SLC25A12: variants seen among roughly 807,000 people sequenced by gnomAD.
SLC25A12 encodes solute carrier family 25 member 12, also known as electrogenic aspartate/glutamate antiporter SLC25A12, mitochondrial.
Under a neutral mutation model 83.3 loss-of-function variants are expected in SLC25A12, and 32 were observed. That is an observed-to-expected ratio of 0.38 (90% confidence interval 0.29 to 0.52). The LOEUF (loss-of-function observed/expected upper bound fraction) is 0.52. SLC25A12 is among the 20% of genes least tolerant of loss of function. SLC25A12 has a pLI of 0.84. For missense variants in SLC25A12, 611 were observed against 835.6 expected, an observed-to-expected ratio of 0.73 and a Z score of 3.31; for synonymous variants, 267 against 291.1, an observed-to-expected ratio of 0.92 and a Z score of 0.84.
At chr2:171,835,606 G>A (rs1223408109) in intron 6 of SLC25A12, among the ~76,000 whole-genome samples, 1 of 152,210 alleles carries the variant, frequency 6.6e-6, no homozygotes, top group Non-Finnish European at 1.5e-5. Flanking sequence ...AAACTCAAAA[G>A]AGAATATTTT....
At position 171,844,422 on chromosome 2, in the gene SLC25A12, C is replaced by A; in HGVS notation, c.412G>T (p.Gly138Trp). 1 of 1,613,874 alleles carries A rather than the reference C, an allele frequency of 6.2e-7. No individual in the cohort carries two copies. ...WDCEFIRLHFGHNRKKHLNYT... is the reference protein window; with the variant it reads ...WDCEFIRLHFWHNRKKHLNYT... ...TTAAGATGCTTCTTCCGGTTATGCCCAAAATGCAGTCGGATAAATTCACAA... is the reference window on the plus strand; with the variant it reads ...TTAAGATGCTTCTTCCGGTTATGCCAAAAATGCAGTCGGATAAATTCACAA... The change falls in exon 5 of 18, where the codon GGG becomes TGG. Residue 138 changes from glycine to tryptophan, a missense_variant. Transcript: ENST00000422440.
At chr2:171,805,593 G>C (rs1296536998) in intron 13 of SLC25A12, among the ~76,000 whole-genome samples, 3 of 152,244 alleles carry the variant, frequency 2.0e-5, no homozygotes, top group Non-Finnish European at 2.9e-5. Flanking sequence ...TAAGGTTTTA[G>C]TTTTTTCAAC....
intron 2 of SLC25A12, among the ~76,000 whole-genome samples, chr2:171,879,527 T>G (rs1685645839): frequency 2.0e-5 from 3 of 152,258 alleles, no homozygotes; most frequent in Admixed American, 2.0e-4. Context: ...AAAACAATTT[T>G]CCACTCAAAA....
chr2:171,818,527 T>C (rs1684104684), intron 9 of SLC25A12, among the ~76,000 whole-genome samples: 1 of 151,500 alleles, frequency 6.6e-6, no homozygotes, highest in Non-Finnish European at 1.5e-5. Context: ...TCCCAGCACT[T>C]TGGGAGGCTG....
chr2:171,843,184 A>C (rs1256502959), intron 5 of SLC25A12, among the ~76,000 whole-genome samples: 1 of 152,212 alleles, frequency 6.6e-6, no homozygotes, highest in South Asian at 2.1e-4. Context: ...TTTAAAAAAG[A>C]AAGCTCCTGG....
intron 4 of SLC25A12, among the ~76,000 whole-genome samples, chr2:171,847,709 G>T (rs1684829527): frequency 6.6e-6 from 1 of 152,184 alleles, no homozygotes; most frequent in Admixed American, 6.5e-5. Context: ...GGTTGGCATA[G>T]CTAAGAGAAC....
chr2:171,853,551 G>A (rs997685504), intron 4 of SLC25A12, among the ~76,000 whole-genome samples: 1 of 152,160 alleles, frequency 6.6e-6, no homozygotes, highest in Non-Finnish European at 1.5e-5. Flanking sequence ...CGTGGTGACA[G>A]GTGCCTGTAA....
intron 2 of SLC25A12, among the ~76,000 whole-genome samples, chr2:171,871,158 T>C (rs1181139511): frequency 6.6e-6 from 1 of 152,066 alleles, no homozygotes; most frequent in Non-Finnish European, 1.5e-5. Context: ...GCCATGATTG[T>C]GCCACCACAC....
intron 9 of SLC25A12, among the ~76,000 whole-genome samples, chr2:171,819,340 T>C: frequency 9.8e-6 from 1 of 102,326 alleles, no homozygotes; most frequent in South Asian, 3.3e-4. Context: ...TAATTATATA[T>C]ATTATTATAT....
intron 5 of SLC25A12, among the ~76,000 whole-genome samples, 177 bp downstream of exon 5, chr2:171,844,192 A>G (rs970746830): frequency 3.9e-5 from 6 of 152,254 alleles, no homozygotes; most frequent in Non-Finnish European, 8.8e-5. Flanking sequence ...GGAAGTAAAC[A>G]CTGAAAGAAA....
At chr2:171,846,799 C>T (rs1163581550) in intron 4 of SLC25A12, among the ~76,000 whole-genome samples, 1 of 151,998 alleles carries the variant, frequency 6.6e-6, no homozygotes, top group Non-Finnish European at 1.5e-5. Context: ...GAGCAAGGCT[C>T]TGTCTCGAAA....
chr2:171,812,666 C>T (rs575011638), intron 11 of SLC25A12, among the ~76,000 whole-genome samples: 36 of 152,282 alleles, frequency 2.4e-4, no homozygotes, highest in South Asian at 1.0e-3. Context: ...GCCTCTGATG[C>T]CAACTGCACT....
At position 171,855,889 on chromosome 2, in the gene SLC25A12, C is replaced by T. The variant is rs1685034813; in HGVS notation, c.270G>A (p.Met90Ile). The change falls in exon 4 of 18, where the codon ATG (methionine) becomes ATA (isoleucine). Residue 90 changes from methionine to isoleucine, a missense_variant. Physicochemically the swap from Met to Ile is conservative, Grantham distance 10. This residue lies in a region of SLC25A12 where 540 missense variants were observed against 777.5 expected (regional missense o/e 0.69). Coordinates refer to ENST00000422440, the MANE Select transcript of SLC25A12 (RefSeq NM_003705.5). ...FESVLCAPDS[M>I]FIVAFQLFDK... is the part of the protein sequence containing the mutation. ...CAAACAACTGGAAAGCCACTATGAA[C>T]ATGGAATCTGGAGCACATAAAACAG... 5 of 1,613,786 alleles carry T rather than the reference C, an allele frequency of 3.1e-6. No individual in the cohort carries two copies. The highest frequency in any genetic ancestry group is 2.2e-5 in the South Asian group (2 of 91,076).
chr2:171,879,936 A>G (rs563731206), intron 2 of SLC25A12, among the ~76,000 whole-genome samples: 1 of 152,336 alleles, frequency 6.6e-6, no homozygotes, highest in South Asian at 2.1e-4. Flanking sequence ...AGCTACTTAA[A>G]AATATATGAA....
At chr2:171,819,357 T>G (rs1194171909) in intron 9 of SLC25A12, among the ~76,000 whole-genome samples, 1 of 92,390 alleles carries the variant, frequency 1.1e-5, no homozygotes, top group Non-Finnish European at 2.1e-5. Context: ...ATATATGTAT[T>G]TATATTATAT....
At chr2:171,866,458 G>A in intron 3 of SLC25A12, among the ~76,000 whole-genome samples, 1 of 146,300 alleles carries the variant, frequency 6.8e-6, no homozygotes, top group Non-Finnish European at 1.5e-5. Context: ...GGCCGGGCAG[G>A]GGGCTGACCC....
intron 2 of SLC25A12, among the ~76,000 whole-genome samples, chr2:171,873,470 T>C (rs1247230474): frequency 6.6e-6 from 1 of 151,938 alleles, no homozygotes; most frequent in East Asian, 1.9e-4. Flanking sequence ...AAATAAAAGA[T>C]ACAGGTGAAA....
At chr2:171,814,976 T>C (rs964903458) in intron 10 of SLC25A12, 145 bp downstream of exon 10, 10 of 694,274 alleles carry the variant, frequency 1.4e-5, no homozygotes, top group African/African-American at 3.5e-5. Context: ...CTCCTGATCA[T>C]AGGTAAAAAT....
At chr2:171,809,551 C>A in intron 13 of SLC25A12, 55 bp downstream of exon 13, 1 of 1,334,700 alleles carries the variant, frequency 7.5e-7, no homozygotes, top group South Asian at 1.2e-5. Flanking sequence ...TATATCTGTG[C>A]AAAAAGGTCA....
Sources: allele counts gnomAD v4.1 joint callset (sites outside exome capture counted in the v4.1 genomes callset), GRCh38; gene constraint gnomAD v4.1.1; regional missense constraint gnomAD v4.1.1; transcripts MANE v1.5; gene names NCBI Gene and HGNC (gene_info 2026-07-23, HGNC 2026-07-21).